Variants in RANBP1 observed in about 807,000 individuals in gnomAD.
RANBP1 encodes the protein RAN binding protein 1, also known as ran-specific GTPase-activating protein.
In RANBP1, 16 loss-of-function variants were observed where a neutral mutation model predicts 31.4. The ratio of observed to expected loss-of-function variants is 0.51; its 90% CI spans 0.34 to 0.77. The LOEUF (loss-of-function observed/expected upper bound fraction) is 0.77. Among genes scored for constraint, RANBP1 ranks in the 30% least tolerant of loss-of-function variants. The probability of loss-of-function intolerance (pLI) is 0.01; values close to 1 mark genes in which losing one functional copy is unlikely to be tolerated. For synonymous variants in RANBP1, 129 were observed against 140.5 expected (o/e 0.92, Z 0.58); for missense variants, 265 against 362.0 (o/e 0.73, Z 2.17).
rs917454371 is a variant in RANBP1 at position 20,117,412 on chromosome 22, G to C, written c.246+982G>C. The C allele has an allele frequency of 8.3e-6, 10 of 1,209,854 alleles. No individual in the cohort carries two copies. The South Asian group carries it at 1.5e-4, about 18-fold the overall frequency. The allele number at this position is 1,209,854 out of a possible 1,614,324, so 74.9% of individuals were successfully genotyped here. A position where few individuals can be genotyped will look rare whatever the true frequency, so the allele number is the denominator to read the frequency against. ...CGTTTTGGCGGGAAGCGCGGGGCGG[G>C]CCGGACAATGAGAGTGTCCGCCTCC... On this transcript the variant is annotated intron_variant, in intron 1 of 5. Coordinates refer to ENST00000430524, the MANE Select transcript of RANBP1 (RefSeq NM_001278639.2).
At chr22:20,119,445 C>T in intron 2 of RANBP1, 2 of 373,066 alleles carry the variant, frequency 5.4e-6, no homozygotes, top group Non-Finnish European at 4.9e-6. Flanking sequence ...CCAGGGAGTC[C>T]CTTGGTTGAG....
chr22:20,118,036 T>A (rs2050083207), intron 1 of RANBP1: 14 of 991,902 alleles, frequency 1.4e-5, no homozygotes, highest in Non-Finnish European at 1.6e-5. Context: ...ATTTATTCTT[T>A]CCGTCGCCCA....
At chr22:20,120,401 G>A (rs2050147566) in intron 2 of RANBP1, among the ~76,000 whole-genome samples, 2 of 152,210 alleles carry the variant, frequency 1.3e-5, no homozygotes, top group African/African-American at 4.8e-5. Flanking sequence ...ATGTCGGGTG[G>A]GAGGTGCTCC....
chr22:20,126,735 T>C, intron 5 of RANBP1: 1 of 1,444,866 alleles, frequency 6.9e-7, no homozygotes, highest in Admixed American at 2.2e-5. Context: ...AGCCTGACCA[T>C]GGTCTAGGCA....
intron 5 of RANBP1, 109 bp downstream of exon 5, chr22:20,126,477 T>C (rs1219899054): frequency 4.4e-6 from 7 of 1,601,624 alleles, no homozygotes; most frequent in Non-Finnish European, 6.0e-6. Context: ...TCCAGGGTGC[T>C]GTGGCCGCCT....
chr22:20,125,054 G>T, intron 3 of RANBP1: 2 of 468,432 alleles, frequency 4.3e-6, no homozygotes, highest in Non-Finnish European at 7.8e-6. Context: ...ATGGCCTTAC[G>T]GTCAGGGAAC....
intron 3 of RANBP1, 140 bp downstream of exon 3, chr22:20,122,561 C>T: frequency 6.4e-7 from 1 of 1,553,814 alleles, no homozygotes; most frequent in Non-Finnish European, 8.7e-7. Context: ...GAATTTAAAA[C>T]CAGAAATACG....
rs1302234841 is a variant in RANBP1, at chr22:20,117,022, T to TGCTCACAGAGCCGGTGCAAC, written c.246+595_246+614dup. 3 of 1,380,752 alleles carry TGCTCACAGAGCCGGTGCAAC rather than the reference T, an allele frequency of 2.2e-6. No homozygotes were observed. The African/African-American group carries it at 4.3e-5, about 20-fold the overall frequency. 85.5% of individuals were successfully genotyped at this position (1,380,752 alleles called of 1,614,324 possible). On this transcript the variant is annotated intron_variant, in intron 1 of 5. Coordinates refer to ENST00000430524, the MANE Select transcript of RANBP1 (RefSeq NM_001278639.2). ...ACAAGGGAAGTGCTCAGAGGGGAGGTGCTCACAGAGCCGGTGCAACGCCGC... is the reference window on the plus strand; with the variant it reads ...ACAAGGGAAGTGCTCAGAGGGGAGGTGCTCACAGAGCCGGTGCAACGCTCACAGAGCCGGTGCAACGCCGC...
intron 1 of RANBP1, chr22:20,116,970 G>T (rs1030119615): frequency 6.6e-7 from 1 of 1,513,634 alleles, no homozygotes; most frequent in East Asian, 2.4e-5. Context: ...CCTCGTCCTG[G>T]GCCTGTCACA....
At position 20,126,287 on chromosome 22, in the gene RANBP1, G is replaced by A. The variant is rs375681499; in HGVS notation, c.671-16G>A. On this transcript the variant is annotated splice_polypyrimidine_tract_variant and intron_variant, in intron 4 of 5. Coordinates refer to ENST00000430524, the MANE Select transcript of RANBP1 (RefSeq NM_001278639.2). ...TGCTCACAGCTCTTAGGAAGTCTTCGCTCTCCCTTCCACAGATGCACAGAA... is the reference window on the plus strand; with the variant it reads ...TGCTCACAGCTCTTAGGAAGTCTTCACTCTCCCTTCCACAGATGCACAGAA... The A allele has an allele frequency of 3.3e-4, 525 of 1,609,780 alleles. 1 individual carries two copies. Among genetic ancestry groups the A allele is most frequent in the Non-Finnish European group, 4.0e-4 (467 of 1,177,922 alleles).
chr22:20,117,217 G>C, intron 1 of RANBP1: 1 of 542,898 alleles, frequency 1.8e-6, no homozygotes, highest in Non-Finnish European at 3.0e-6. Flanking sequence ...CGGAGGCCGA[G>C]CGTCTCTATG....
intron 1 of RANBP1, chr22:20,117,133 G>A: frequency 1.7e-6 from 1 of 584,200 alleles, no homozygotes; most frequent in Non-Finnish European, 2.8e-6. Flanking sequence ...GCTTGGGGCT[G>A]TACCGCCCGC....
intron 2 of RANBP1, 61 bp downstream of exon 2, chr22:20,119,210 G>A: frequency 6.5e-7 from 1 of 1,532,714 alleles, no homozygotes; most frequent in Non-Finnish European, 9.0e-7. Flanking sequence ...ACTTTTATGG[G>A]TGTCCAGGTT....
chr22:20,117,706 C>T (rs370043493), intron 1 of RANBP1: 2 of 1,113,002 alleles, frequency 1.8e-6, no homozygotes, highest in East Asian at 5.1e-5. Context: ...GCGGGCGGGG[C>T]CGGGGCCGTT....
chr22:20,126,281 G>A, intron 4 of RANBP1, 22 bp from the exon 5 acceptor site: 1 of 1,608,034 alleles, frequency 6.2e-7, no homozygotes, highest in Non-Finnish European at 8.5e-7. Flanking sequence ...CTCTTAGGAA[G>A]TCTTCGCTCT....
At chr22:20,117,879 C>T (rs767423266) in intron 1 of RANBP1, 17 of 1,020,080 alleles carry the variant, frequency 1.7e-5, no homozygotes, top group Non-Finnish European at 2.0e-5. Context: ...TCTGCAGAGG[C>T]CTGGGGGCTG....
chr22:20,121,761 C>T (rs2050176057), intron 2 of RANBP1, among the ~76,000 whole-genome samples: 1 of 152,046 alleles, frequency 6.6e-6, no homozygotes. Flanking sequence ...CCAGGCTGGT[C>T]CCCACTGAGG....
At chr22:20,118,921 T>C in intron 1 of RANBP1, 92 bp from the exon 2 acceptor site, 1 of 1,346,410 alleles carries the variant, frequency 7.4e-7, no homozygotes, top group Non-Finnish European at 1.0e-6. Context: ...GTCCCTTCAT[T>C]GTCGGAGGGC....
Position 20,122,401 on chromosome 22 carries a change from A to C in RANBP1, c.521A>C (p.Lys174Thr). The change falls in exon 3 of 6, where the codon AAG becomes ACG. Residue 174 changes from lysine to threonine, a missense_variant. Lys to Thr is a moderately conservative substitution (Grantham distance 78). Around this residue, in one of 3 missense-constraint regions of RANBP1, gnomAD observed 90 missense variants for 190.5 expected, o/e 0.47. Coordinates refer to ENST00000430524, the MANE Select transcript of RANBP1 (RefSeq NM_001278639.2). ...RLLMRRDKTL[K>T]ICANHYITPM... Reference sequence around the variant, plus strand: ...CTCATGCGGAGGGACAAGACCCTGAAGATCTGTGCCAACCACTACAGTAGG... The same window carrying C: ...CTCATGCGGAGGGACAAGACCCTGACGATCTGTGCCAACCACTACAGTAGG... The C allele has an allele frequency of 6.2e-7, 1 of 1,612,834 alleles. No individual in the cohort carries two copies. Among genetic ancestry groups the C allele is most frequent in the Non-Finnish European group, 8.5e-7 (1 of 1,179,900 alleles).
Sources: allele counts gnomAD v4.1 joint callset (sites outside exome capture counted in the v4.1 genomes callset), GRCh38; gene constraint gnomAD v4.1.1; regional missense constraint gnomAD v4.1.1; transcripts MANE v1.5; gene names NCBI Gene and HGNC (gene_info 2026-07-23, HGNC 2026-07-21).